Variants in GRID2 observed in about 807,000 individuals in gnomAD.
GRID2 encodes the protein glutamate receptor ionotropic, delta-2.
GRID2 carries 33 observed loss-of-function variants against 114.8 expected under a neutral mutation model. The observed-to-expected ratio is 0.29, with a 90% CI of 0.22 to 0.38. The LOEUF is 0.38. GRID2 is among the 10% of genes least tolerant of loss of function. The probability of loss-of-function intolerance (pLI) is 1.00; values close to 1 mark genes in which losing one functional copy is unlikely to be tolerated. For synonymous variants in GRID2, 505 were observed against 449.9 expected (o/e 1.12, Z -1.55); for missense variants, 1,184 against 1,257.7 (o/e 0.94, Z 0.89).
At chr4:93,482,299 A>G (rs970529250) in intron 11 of GRID2, among the ~76,000 whole-genome samples, 6 of 152,206 alleles carry the variant, frequency 3.9e-5, no homozygotes, top group East Asian at 3.9e-4. Context: ...ATGCCCATCA[A>G]TGATAGACTG....
intron 13 of GRID2, among the ~76,000 whole-genome samples, chr4:93,566,194 A>G (rs1735400036): frequency 2.0e-5 from 3 of 152,216 alleles, no homozygotes; most frequent in African/African-American, 7.2e-5. Context: ...ATACTACTCA[A>G]CAATGAAAAG....
chr4:93,385,804 T>G (rs1560566667), intron 8 of GRID2, among the ~76,000 whole-genome samples: 1 of 152,154 alleles, frequency 6.6e-6, no homozygotes, highest in Non-Finnish European at 1.5e-5. Flanking sequence ...CCATTTCATT[T>G]TCAGATCGAG....
chr4:93,429,228 C>T (rs1222768636), intron 10 of GRID2, among the ~76,000 whole-genome samples: 1 of 152,116 alleles, frequency 6.6e-6, no homozygotes, highest in Non-Finnish European at 1.5e-5. Context: ...GGCAAAGGAG[C>T]CTGGGAAATC....
At chr4:93,524,785 GTA>G (rs772724087) in intron 13 of GRID2, among the ~76,000 whole-genome samples, 8,352 of 86,772 alleles carry the variant, frequency 0.096, 700 homozygotes, top group East Asian at 0.12. Context: ...GTATGTATGT[GTA>G]TATATATATA....
intron 2 of GRID2, among the ~76,000 whole-genome samples, chr4:92,973,046 G>A (rs1449791002): frequency 6.6e-6 from 1 of 152,084 alleles, no homozygotes; most frequent in African/African-American, 2.4e-5. Flanking sequence ...CTTTGTTACT[G>A]TGAATAGTGT....
At chr4:92,452,841 C>CATAT in intron 1 of GRID2, among the ~76,000 whole-genome samples, 1 of 144,108 alleles carries the variant, frequency 6.9e-6, no homozygotes, top group East Asian at 2.0e-4. Context: ...ATATATTTAC[C>CATAT]ATATATATAT....
At chr4:92,601,026 C>G (rs375817505) in intron 2 of GRID2, among the ~76,000 whole-genome samples, 21 of 152,236 alleles carry the variant, frequency 1.4e-4, no homozygotes, top group East Asian at 5.8e-4. Context: ...CGTCCCTCCC[C>G]CAAAGGGCTT....
At chr4:92,356,001 A>C (rs966464223) in intron 1 of GRID2, among the ~76,000 whole-genome samples, 16 of 151,874 alleles carry the variant, frequency 1.1e-4, no homozygotes, top group African/African-American at 3.9e-4. Context: ...ATGCTAAATA[A>C]AATGGCATTT....
chr4:93,600,805 A>G (rs1439817893), intron 13 of GRID2, among the ~76,000 whole-genome samples: 1 of 152,228 alleles, frequency 6.6e-6, no homozygotes, highest in African/African-American at 2.4e-5. Context: ...GGAAAAGCAT[A>G]GTGGTCTACT....
chr4:93,527,908 T>G (rs1731073257), intron 13 of GRID2, among the ~76,000 whole-genome samples: 1 of 152,056 alleles, frequency 6.6e-6, no homozygotes, highest in South Asian at 2.1e-4. Flanking sequence ...ATCAATTATG[T>G]CTCTACGAAT....
intron 1 of GRID2, among the ~76,000 whole-genome samples, chr4:92,319,101 C>G (rs531777041): frequency 9.2e-5 from 14 of 152,106 alleles, no homozygotes; most frequent in African/African-American, 3.1e-4. Context: ...CAATTATTAC[C>G]TTCTATCTCA....
At chr4:93,782,682 T>A (rs548651839) in intron 1 of GRID2, among the ~76,000 whole-genome samples, 2 of 152,334 alleles carry the variant, frequency 1.3e-5, no homozygotes, top group South Asian at 4.1e-4. Context: ...GAGGCCATAA[T>A]CATGGTCCAC....
intron 8 of GRID2, among the ~76,000 whole-genome samples, chr4:93,374,713 T>C (rs1399392922): frequency 6.6e-6 from 1 of 152,180 alleles, no homozygotes; most frequent in Non-Finnish European, 1.5e-5. Context: ...TATGAATACA[T>C]TCCTAGAAGA....
chr4:93,033,816 C>T (rs1402449650), intron 2 of GRID2, among the ~76,000 whole-genome samples: 2 of 152,086 alleles, frequency 1.3e-5, no homozygotes, highest in East Asian at 3.9e-4. Flanking sequence ...CTCAACTGTT[C>T]ACCACATTGT....
chr4:93,627,397 A>T (rs1390012278), intron 14 of GRID2, among the ~76,000 whole-genome samples: 1 of 152,204 alleles, frequency 6.6e-6, no homozygotes. Flanking sequence ...ACTAAAAATC[A>T]GTAGTTCACA....
rs201612191 is a variant in GRID2 at position 93,682,001 on chromosome 4, A to G, written c.2360+55566A>G. Among the ~76,000 whole-genome samples the G allele has an allele frequency of 1.5e-3, 229 of 151,474 alleles. 1 individual carries two copies. The highest frequency in any genetic ancestry group is 2.2e-3 in the Non-Finnish European group (148 of 67,868). On this transcript the variant is annotated intron_variant, in intron 14 of 15. Transcript: ENST00000282020. ...CATCAGAGTGAACAGGCAACCTACAAAATGGGAGAAAATTTTCACAACCTA... is the reference window on the plus strand; with the variant it reads ...CATCAGAGTGAACAGGCAACCTACAGAATGGGAGAAAATTTTCACAACCTA...
At chr4:93,169,581 C>T (rs1738598179) in intron 4 of GRID2, among the ~76,000 whole-genome samples, 1 of 152,104 alleles carries the variant, frequency 6.6e-6, no homozygotes. Context: ...TTATAAAGGG[C>T]AAGCCTCTTT....
chr4:93,517,971 ACATGTACATGTATG>A lies in GRID2; in HGVS notation c.2193+2561_2193+2574del, dbSNP rs1560706234. Among the ~76,000 whole-genome samples the A allele has an allele frequency of 4.7e-4, 15 of 31,818 alleles. 1 individual carries two copies. The highest frequency in any genetic ancestry group is 2.5e-3 in the African/African-American group (14 of 5,496). 20.9% of individuals were successfully genotyped at this position (31,818 alleles called of 152,430 possible). ...TACATGTATATGTATGTATATACAT[ACATGTACATGTATG>A]TATATACATACATGTATATGTATGT... On this transcript the variant is annotated intron_variant, in intron 13 of 15. Transcript: ENST00000282020.
chr4:93,289,863 C>T (rs889842492), intron 8 of GRID2, among the ~76,000 whole-genome samples: 10 of 151,844 alleles, frequency 6.6e-5, no homozygotes, highest in East Asian at 1.9e-4. Context: ...ACAAAATGTT[C>T]GTATGTTAAA....
Sources: gnomAD v4.1 joint callset for allele counts (sites outside exome capture counted in the v4.1 genomes callset) on GRCh38, gnomAD v4.1.1 for gene constraint, MANE v1.5 for transcripts, NCBI Gene and HGNC (gene_info 2026-07-23, HGNC 2026-07-21) for gene names.